IFFO2: variants seen among roughly 807,000 people sequenced by gnomAD.
IFFO2 encodes the protein intermediate filament family orphan 2.
A neutral mutation model predicts 53.5 loss-of-function variants in IFFO2; 19 were observed. That is an observed-to-expected ratio of 0.36 (90% CI 0.25 to 0.52). The LOEUF is 0.52. Among genes scored for constraint, IFFO2 ranks in the 20% least tolerant of loss-of-function variants. The probability of loss-of-function intolerance (pLI) is 0.94; values close to 1 mark genes in which losing one functional copy is unlikely to be tolerated. For synonymous variants in IFFO2, 303 were observed against 313.6 expected (o/e 0.97, Z 0.36); for missense variants, 570 against 727.4 (o/e 0.78, Z 2.49).
rs1054292996 is a variant in IFFO2, at chr1:18,908,513, T to C, written c.*48A>G. On this transcript the variant is annotated 3_prime_UTR_variant, in exon 9 of 9. Transcript: ENST00000455833. ...GCCTTCCTGGCCCCATGAGGAGAGG[T>C]GGCAGGGCCCCATCACCAAGACCAC... is the stretch of plus-strand genomic sequence containing the variant. 7.3e-7 allele frequency: 1 copy of C among 1,366,434 alleles called. No individual in the cohort carries two copies. The highest frequency in any genetic ancestry group is 1.4e-5 in the African/African-American group (1 of 69,244). The allele number at this position is 1,366,434 out of a possible 1,614,324, so 84.6% of individuals were successfully genotyped here.
chr1:18,912,831 G>A (rs1936061195), intron 5 of IFFO2, among the ~76,000 whole-genome samples: 1 of 152,220 alleles, frequency 6.6e-6, no homozygotes, highest in Non-Finnish European at 1.5e-5. Context: ...TTCAAAGCCT[G>A]GGAGATGTCA....
At position 18,917,130 on chromosome 1, in the gene IFFO2, A is replaced by C; in HGVS notation, c.964-88T>G. The C allele has an allele frequency of 2.6e-4, 362 of 1,413,334 alleles. No individual in the cohort carries two copies. Among genetic ancestry groups the C allele is most frequent in the Non-Finnish European group, 3.2e-4 (332 of 1,039,528 alleles). 87.5% of individuals were successfully genotyped at this position (1,413,334 alleles called of 1,614,324 possible). A position where few individuals can be genotyped will look rare whatever the true frequency, so the allele number is the denominator to read the frequency against. ...GAACTGGGAAGGGAGCCGGCATCTC[A>C]CAGGATGATGAGCGTGACTGGGGCC... On this transcript the variant is annotated intron_variant, in intron 4 of 8. Coordinates refer to ENST00000455833, the MANE Select transcript of IFFO2 (RefSeq NM_001136265.2). This position sits in a 1 kb window ranked among gnomAD's most constrained non-coding sequence, Gnocchi z 5.9.
At chr1:18,944,544 G>A (rs1936561922) in intron 1 of IFFO2, among the ~76,000 whole-genome samples, 1 of 152,092 alleles carries the variant, frequency 6.6e-6, no homozygotes, top group African/African-American at 2.4e-5. Context: ...CTCTCACTAG[G>A]CAGCCTCCCT....
In IFFO2 at chr1:18,912,008, C is replaced by A. The variant is rs1936047761; in HGVS notation, c.1179G>T (p.Trp393Cys). 6.4e-7 allele frequency: 1 copy of A among 1,551,642 alleles called. No homozygotes were observed. The highest frequency in any genetic ancestry group is 8.7e-7 in the Non-Finnish European group (1 of 1,147,014). Residue 393 changes from tryptophan (W) to cysteine (C), a missense_variant, in exon 6 of 9, where the codon TGG becomes TGT. Coordinates refer to ENST00000455833, the MANE Select transcript of IFFO2 (RefSeq NM_001136265.2). ...TCGGATTGCAGTTGGTGAAATCCTCCCAGAGCAGCAGCGTGTCTTCATTCT... is the reference window on the plus strand; with the variant it reads ...TCGGATTGCAGTTGGTGAAATCCTCACAGAGCAGCAGCGTGTCTTCATTCT... The part of the protein sequence containing the change: ...WEENEDTLLL[W>C]EDFTNCNPTI...
At chr1:18,911,143 G>C (rs1936030567) in intron 7 of IFFO2, among the ~76,000 whole-genome samples, 1 of 151,018 alleles carries the variant, frequency 6.6e-6, no homozygotes, top group Non-Finnish European at 1.5e-5. Context: ...GATCATCTCA[G>C]CTACATATAT....
rs1283821196 is a variant in IFFO2, at chr1:18,916,054, G to C, written c.1103+849C>G. Among the ~76,000 whole-genome samples, 8 of 152,076 alleles carry C rather than the reference G, an allele frequency of 5.3e-5. No individual in the cohort carries two copies. Among genetic ancestry groups the C allele is most frequent in the African/African-American group, 1.9e-4 (8 of 41,412 alleles). ...GCAGGAGAAACACTGGAACCCGGGA[G>C]GCAGAGGTTGCAGTGAGCCGAGATC... On this transcript the variant is annotated intron_variant, in intron 5 of 8. Coordinates refer to ENST00000455833, the MANE Select transcript of IFFO2 (RefSeq NM_001136265.2). The surrounding 1 kb of genome is among the most constrained non-coding windows in gnomAD (Gnocchi z 4.3).
Position 18,918,301 on chromosome 1 carries a change from G to C in IFFO2, c.963+61C>G. The C allele has an allele frequency of 6.6e-7, 1 of 1,512,166 alleles. No homozygotes were observed. The highest frequency in any genetic ancestry group is 2.0e-5 in the Admixed American group (1 of 49,882). The allele number at this position is 1,512,166 out of a possible 1,614,324, so 93.7% of individuals were successfully genotyped here. A position where few individuals can be genotyped will look rare whatever the true frequency, so the allele number is the denominator to read the frequency against. On this transcript the variant is annotated intron_variant, in intron 4 of 8. Coordinates refer to ENST00000455833, the MANE Select transcript of IFFO2 (RefSeq NM_001136265.2). This position sits in a 1 kb window ranked among gnomAD's most constrained non-coding sequence, Gnocchi z 5.2. ...CAAACGGGTTGGCCGGGCAGGGGTG[G>C]AGGCCAGGGCTGCTCTGGGAGAGTG...
rs35473539 is a variant in IFFO2, at chr1:18,942,840, C to CTT, written c.665+12826_665+12827dup. Among the ~76,000 whole-genome samples, 268 of 135,164 alleles carry CTT rather than the reference C, an allele frequency of 2.0e-3. 1 individual carries two copies. Among genetic ancestry groups the CTT allele is most frequent in the Middle Eastern group, 0.012 (3 of 256 alleles). 88.7% of individuals were successfully genotyped at this position (135,164 alleles called of 152,430 possible). ...CCTGATGTTTTATTTTATATTATTT[C>CTT]TTTTTTTTTTTTTTTTGAGATGGAG... On this transcript the variant is annotated intron_variant, in intron 1 of 8. Transcript: ENST00000455833.
rs4912055 is a variant in IFFO2 at position 18,917,812 on chromosome 1, C to T, written c.963+550G>A. ...TGGCGCTAACCTGATCGCCGTCTCTCGGGGGCACCCACACTTGCACGTTAG... is the reference window on the plus strand; with the variant it reads ...TGGCGCTAACCTGATCGCCGTCTCTTGGGGGCACCCACACTTGCACGTTAG... On this transcript the variant is annotated intron_variant, in intron 4 of 8. Transcript: ENST00000455833. The surrounding 1 kb of genome is among the most constrained non-coding windows in gnomAD (Gnocchi z 5.9). 1.0e-2 allele frequency among the ~76,000 whole-genome samples: 1,516 copies of T among 152,248 alleles called. 13 individuals carry two copies. The highest frequency in any genetic ancestry group is 0.016 in the Non-Finnish European group (1,120 of 68,002).
intron 1 of IFFO2, among the ~76,000 whole-genome samples, chr1:18,933,913 C>T (rs1444973569): frequency 1.3e-5 from 2 of 152,042 alleles, no homozygotes; most frequent in Non-Finnish European, 2.9e-5. Context: ...GCCTGTTAAG[C>T]AGTAGTACCC....
intron 1 of IFFO2, among the ~76,000 whole-genome samples, chr1:18,943,662 G>A (rs772864363): frequency 2.1e-4 from 32 of 152,204 alleles, no homozygotes; most frequent in Non-Finnish European, 4.1e-4. Flanking sequence ...GGAAAACGAG[G>A]CACAGAGAAA....
intron 1 of IFFO2, among the ~76,000 whole-genome samples, chr1:18,940,562 C>T (rs1335682569): frequency 3.4e-5 from 5 of 148,308 alleles, no homozygotes; most frequent in Admixed American, 6.7e-5. Flanking sequence ...GATGGACAAA[C>T]GGATGGATGG....
Position 18,921,038 on chromosome 1 carries a change from T to A in IFFO2, c.726+23A>T, listed in dbSNP as rs1369504058. 3.2e-6 allele frequency: 5 copies of A among 1,550,820 alleles called. No homozygotes were observed. In the East Asian group the frequency reaches 1.2e-4, roughly 38 times the overall value. On this transcript the variant is annotated intron_variant, in intron 2 of 8. Coordinates refer to ENST00000455833, the MANE Select transcript of IFFO2 (RefSeq NM_001136265.2). Reference sequence around the variant, plus strand: ...TGGCTCTCTGGCGTGCCTCTCCTGGTCGGGATATCGGAGGGCTCTTACCTC... The same window carrying A: ...TGGCTCTCTGGCGTGCCTCTCCTGGACGGGATATCGGAGGGCTCTTACCTC...
chr1:18,931,913 T>A (rs929466447), intron 1 of IFFO2, among the ~76,000 whole-genome samples: 20 of 152,204 alleles, frequency 1.3e-4, no homozygotes, highest in Non-Finnish European at 2.8e-4. Context: ...TGTGTACACA[T>A]GGGGTCACAG....
chr1:18,948,273 C>T (rs934422273), intron 1 of IFFO2, among the ~76,000 whole-genome samples: 1 of 152,256 alleles, frequency 6.6e-6, no homozygotes, highest in African/African-American at 2.4e-5. Context: ...ACCACACCCC[C>T]ATTGTACAGA....
intron 1 of IFFO2, among the ~76,000 whole-genome samples, chr1:18,945,067 C>T (rs920053173): frequency 2.0e-5 from 3 of 152,186 alleles, no homozygotes; most frequent in African/African-American, 4.8e-5. Context: ...CCCTTGTACA[C>T]GCTGTCCTCT....
Position 18,925,451 on chromosome 1 carries a change from G to A in IFFO2, c.666-4330C>T, listed in dbSNP as rs1030223250. Among the ~76,000 whole-genome samples, 14 of 152,318 alleles carry A rather than the reference G, an allele frequency of 9.2e-5. No homozygotes were observed. In the East Asian group the frequency reaches 1.2e-3, roughly 13 times the overall value. On this transcript the variant is annotated intron_variant, in intron 1 of 8. Transcript: ENST00000455833. ...TGCCCAAAGGAGCCAGTCCCGTGAC[G>A]CCAGGGCCAGTGATGGCTCCATTGT... is the stretch of plus-strand genomic sequence containing the variant.
intron 8 of IFFO2, 69 bp downstream of exon 8, chr1:18,910,273 G>A (rs1387009031): frequency 5.2e-6 from 8 of 1,530,196 alleles, no homozygotes; most frequent in Admixed American, 2.0e-5. Context: ...ACACATGGCC[G>A]AGTTGCAGCC....
Position 18,947,049 on chromosome 1 carries a change from G to A in IFFO2, c.665+8619C>T, listed in dbSNP as rs767575594. Among the ~76,000 whole-genome samples the A allele has an allele frequency of 2.0e-5, 3 of 152,186 alleles. No individual in the cohort carries two copies. The highest frequency in any genetic ancestry group is 6.5e-5 in the Admixed American group (1 of 15,270). On this transcript the variant is annotated intron_variant, in intron 1 of 8. Coordinates refer to ENST00000455833, the MANE Select transcript of IFFO2 (RefSeq NM_001136265.2). The surrounding 1 kb of genome is among the most constrained non-coding windows in gnomAD (Gnocchi z 5.0). ...CTATGTCCCCAGATTCTGAGTTCTC[G>A]AGGGCAGGGGCCTGGCCCACGGTGG...
Sources: allele counts gnomAD v4.1 joint callset (sites outside exome capture counted in the v4.1 genomes callset), GRCh38; gene constraint gnomAD v4.1.1; non-coding constraint Gnocchi (gnomAD v3.1); transcripts MANE v1.5; gene names NCBI Gene and HGNC (gene_info 2026-07-23, HGNC 2026-07-21).